MECOM: variants seen among roughly 807,000 people sequenced by gnomAD.
MECOM encodes the protein histone-lysine N-methyltransferase MECOM.
MECOM carries 13 observed loss-of-function variants against 116.3 expected under a neutral mutation model. The observed-to-expected ratio is 0.11, with a 90% CI of 0.07 to 0.18. The LOEUF is 0.18. MECOM is among the 10% of genes least tolerant of loss of function. MECOM has a pLI of 1.00. For synonymous variants in MECOM, 528 were observed against 535.2 expected, an observed-to-expected ratio of 0.99 and a Z score of 0.19; for missense variants, 1,299 against 1,509.0, an observed-to-expected ratio of 0.86 and a Z score of 2.31.
chr3:169,121,030 G>A (rs1730861194), intron 7 of MECOM, 26 bp downstream of exon 7: 1 of 1,575,848 alleles, frequency 6.3e-7, no homozygotes, highest in Non-Finnish European at 8.7e-7. Context: ...GATGTGGGAA[G>A]GAGGGCTGGA....
At chr3:169,469,173 G>A (rs1163701099) in intron 1 of MECOM, among the ~76,000 whole-genome samples, 1 of 152,128 alleles carries the variant, frequency 6.6e-6, no homozygotes, top group African/African-American at 2.4e-5. Context: ...GACTTTCCAG[G>A]AGGAGATGGT....
At chr3:169,328,805 T>C (rs1487956248) in intron 2 of MECOM, among the ~76,000 whole-genome samples, 2 of 152,166 alleles carry the variant, frequency 1.3e-5, no homozygotes, top group East Asian at 1.9e-4. Context: ...TGTTCGCTTA[T>C]AAGATAGAGA....
At chr3:169,507,690 C>CT (rs1369400661) in intron 1 of MECOM, among the ~76,000 whole-genome samples, 1 of 58,398 alleles carries the variant, frequency 1.7e-5, no homozygotes, top group African/African-American at 7.8e-5. Context: ...GAGATGGAGT[C>CT]TCGCTCTTTC....
chr3:169,327,465 C>T (rs1333147226), intron 2 of MECOM, among the ~76,000 whole-genome samples: 1 of 151,760 alleles, frequency 6.6e-6, no homozygotes, highest in Non-Finnish European at 1.5e-5. Context: ...TAGAGAAACC[C>T]CGTCTGTACT....
At chr3:169,281,769 A>G (rs900438101) in intron 2 of MECOM, among the ~76,000 whole-genome samples, 2 of 152,188 alleles carry the variant, frequency 1.3e-5, no homozygotes, top group Non-Finnish European at 2.9e-5. Context: ...CTGAGATTGT[A>G]ACACTGCATT....
chr3:169,381,236 T>A lies in MECOM; in HGVS notation c.326A>T (p.Tyr109Phe). The A allele has an allele frequency of 6.2e-7, 1 of 1,613,416 alleles. No individual in the cohort carries two copies. The highest frequency in any genetic ancestry group is 8.5e-7 in the Non-Finnish European group (1 of 1,179,416). ...CAGGTTTGACCTCTGCTCTCCCACA[T>A]AAGGCCCAAACTTTTCACCTACTTC... ...KIEVGEKFGP[Y>F]VGEQRSNLKD... The change falls in exon 2 of 17, where the codon TAT becomes TTT. Residue 109 changes from tyrosine to phenylalanine, a missense_variant. Tyr to Phe is a conservative substitution (Grantham distance 22). Coordinates refer to ENST00000651503, the MANE Select transcript of MECOM (RefSeq NM_004991.4).
intron 2 of MECOM, among the ~76,000 whole-genome samples, chr3:169,222,142 G>T (rs1752214714): frequency 1.3e-5 from 2 of 152,154 alleles, no homozygotes; most frequent in African/African-American, 4.8e-5. Flanking sequence ...GTCACAGAAA[G>T]TTCTATGGGT....
At chr3:169,182,926 C>G (rs1415141561) in intron 2 of MECOM, among the ~76,000 whole-genome samples, 1 of 152,026 alleles carries the variant, frequency 6.6e-6, no homozygotes, top group Non-Finnish European at 1.5e-5. Flanking sequence ...TGAGATTGAG[C>G]AGAAAGTGGA....
intron 1 of MECOM, among the ~76,000 whole-genome samples, chr3:169,603,339 T>C (rs1768058834): frequency 6.6e-6 from 1 of 152,218 alleles, no homozygotes; most frequent in African/African-American, 2.4e-5. Flanking sequence ...AGTTGTACAA[T>C]GTATGTTTAA....
At chr3:169,486,008 A>ATATATATGTATATATATGTATATATATAC (rs1560341417) in intron 1 of MECOM, among the ~76,000 whole-genome samples, 1 of 36,472 alleles carries the variant, frequency 2.7e-5, no homozygotes, top group African/African-American at 9.4e-5. Context: ...TATATATACT[A>ATATATATGTATATATATGTATATATATAC]TATATATATG....
chr3:169,359,025 T>C (rs1286788333), intron 2 of MECOM, among the ~76,000 whole-genome samples: 1 of 151,740 alleles, frequency 6.6e-6, no homozygotes, highest in Non-Finnish European at 1.5e-5. Flanking sequence ...CTCTACTAAA[T>C]CTATTCTACC....
chr3:169,390,398 A>G (rs193278426), intron 1 of MECOM, among the ~76,000 whole-genome samples: 2 of 152,334 alleles, frequency 1.3e-5, no homozygotes, highest in East Asian at 3.9e-4. Flanking sequence ...AGAGGCTTAT[A>G]AAACTGGGCT....
intron 1 of MECOM, among the ~76,000 whole-genome samples, chr3:169,414,009 G>T (rs1187726474): frequency 6.6e-6 from 1 of 152,212 alleles, no homozygotes. Context: ...GAGAGCAGTG[G>T]ATCTCCCAGC....
At position 169,102,149 on chromosome 3, in the gene MECOM, C is replaced by T. The variant is rs768005209; in HGVS notation, c.2682G>A (p.Gln894=). ...TGAAGTTGAACATAGAGGGCACTGA[C>T]TGTAAGAGCTCACTGGCCTCAGGTT... ...ALKPEASELL[Q]SVPSMFNFRA... The change falls in exon 11 of 17, where the codon CAG becomes CAA. Residue 894 remains glutamine, a synonymous_variant. Transcript: ENST00000651503. 2.5e-6 allele frequency: 4 copies of T among 1,613,834 alleles called. No individual in the cohort carries two copies. The highest frequency in any genetic ancestry group is 2.2e-5 in the East Asian group (1 of 44,884).
At chr3:169,472,658 GAA>G (rs1169652096) in intron 1 of MECOM, among the ~76,000 whole-genome samples, 4 of 57,888 alleles carry the variant, frequency 6.9e-5, no homozygotes, top group Admixed American at 1.9e-4. Flanking sequence ...GAAAAGAAAA[GAA>G]AGGAAAGGAA....
chr3:169,371,792 T>G (rs141580661), intron 2 of MECOM, among the ~76,000 whole-genome samples: 46 of 152,154 alleles, frequency 3.0e-4, no homozygotes, highest in African/African-American at 1.1e-3. Flanking sequence ...AGCCTCCTGA[T>G]GCTGACCACC....
At chr3:169,172,737 C>A (rs1163818648) in intron 2 of MECOM, among the ~76,000 whole-genome samples, 2 of 152,084 alleles carry the variant, frequency 1.3e-5, no homozygotes, top group Non-Finnish European at 2.9e-5. Context: ...GTATCATGAA[C>A]CCTCAGTGGG....
chr3:169,244,992 C>T (rs567323340), intron 2 of MECOM, among the ~76,000 whole-genome samples: 3 of 152,188 alleles, frequency 2.0e-5, no homozygotes, highest in African/African-American at 4.8e-5. Flanking sequence ...AGCAAAAAAA[C>T]GAAGGCTTTA....
At chr3:169,355,648 C>T (rs1482533281) in intron 2 of MECOM, among the ~76,000 whole-genome samples, 1 of 151,878 alleles carries the variant, frequency 6.6e-6, no homozygotes, top group Non-Finnish European at 1.5e-5. Flanking sequence ...GTTAAGACGG[C>T]AGTTTCCAAG....
Sources: gnomAD v4.1 joint callset for allele counts (sites outside exome capture counted in the v4.1 genomes callset) on GRCh38, gnomAD v4.1.1 for gene constraint, MANE v1.5 for transcripts, NCBI Gene and HGNC (gene_info 2026-07-23, HGNC 2026-07-21) for gene names.